Variants in SLC38A4 observed in about 807,000 individuals in gnomAD.
SLC38A4 encodes the protein sodium-coupled neutral amino acid transporter 4.
Under a neutral mutation model 63.1 loss-of-function variants are expected in SLC38A4, and 20 were observed. The ratio of observed to expected loss-of-function variants is 0.32; its 90% CI spans 0.22 to 0.46. The LOEUF is 0.46. Ranked by LOEUF, SLC38A4 falls within the 20% of genes least tolerant of loss-of-function variation. The probability of loss-of-function intolerance (pLI) is 1.00; values close to 1 mark genes in which losing one functional copy is unlikely to be tolerated. For missense variants in SLC38A4, 526 were observed against 663.6 expected (o/e 0.79, Z 2.28); for synonymous variants, 230 against 225.5 (o/e 1.02, Z -0.18).
At chr12:46,796,310 A>T (rs149464348) in intron 2 of SLC38A4, among the ~76,000 whole-genome samples, 78 of 152,006 alleles carry the variant, frequency 5.1e-4, no homozygotes, top group African/African-American at 1.8e-3. Flanking sequence ...TTCTAAGGAT[A>T]TTGATGTGAG....
At chr12:46,774,353 G>C (rs1938480731) in intron 14 of SLC38A4, among the ~76,000 whole-genome samples, 1 of 151,986 alleles carries the variant, frequency 6.6e-6, no homozygotes, top group East Asian at 1.9e-4. Flanking sequence ...TGGCAGGAGG[G>C]TGAAGACCTG....
At chr12:46,823,937 G>A (rs981869699) in intron 1 of SLC38A4, among the ~76,000 whole-genome samples, 1 of 152,164 alleles carries the variant, frequency 6.6e-6, no homozygotes, top group Non-Finnish European at 1.5e-5. Flanking sequence ...TGATTTGAAG[G>A]GACCTCTGGG....
intron 3 of SLC38A4, among the ~76,000 whole-genome samples, chr12:46,790,751 T>C (rs1235730253): frequency 6.6e-6 from 1 of 151,418 alleles, no homozygotes; most frequent in South Asian, 2.1e-4. Flanking sequence ...TTGTATAAAA[T>C]AGATGAGAAA....
intron 1 of SLC38A4, among the ~76,000 whole-genome samples, chr12:46,806,600 C>T (rs1291094354): frequency 6.6e-6 from 1 of 151,950 alleles, no homozygotes; most frequent in East Asian, 1.9e-4. Flanking sequence ...ATTCCTATTT[C>T]TTTTTATCAC....
chr12:46,807,644 AAAAT>A (rs2120879673), intron 1 of SLC38A4, among the ~76,000 whole-genome samples: 1 of 152,156 alleles, frequency 6.6e-6, no homozygotes, highest in African/African-American at 2.4e-5. Context: ...CAAAAAAAGA[AAAAT>A]AGAGAAAATC....
chr12:46,826,978 T>C (rs538532325), upstream of SLC38A4, among the ~76,000 whole-genome samples: 2 of 152,216 alleles, frequency 1.3e-5, no homozygotes, highest in African/African-American at 2.4e-5. Context: ...TCAACAAACA[T>C]GTACCAGTGT....
At chr12:46,783,246 TAG>T (rs1938686055) in intron 7 of SLC38A4, among the ~76,000 whole-genome samples, 1 of 150,756 alleles carries the variant, frequency 6.6e-6, no homozygotes, top group South Asian at 2.1e-4. Context: ...GATAGATAGA[TAG>T]ATAGATAGAT....
intron 13 of SLC38A4, among the ~76,000 whole-genome samples, chr12:46,776,254 A>C (rs996160515): frequency 2.6e-5 from 4 of 152,054 alleles, no homozygotes; most frequent in African/African-American, 9.7e-5. Flanking sequence ...TCATGGAAGG[A>C]GTACAATCCT....
chr12:46,819,063 A>G (rs2120915181), intron 1 of SLC38A4, among the ~76,000 whole-genome samples: 1 of 152,080 alleles, frequency 6.6e-6, no homozygotes, highest in African/African-American at 2.4e-5. Flanking sequence ...GTTAGATTGA[A>G]GAAGGCAGAA....
intron 2 of SLC38A4, among the ~76,000 whole-genome samples, chr12:46,794,621 C>A (rs1458815567): frequency 6.6e-6 from 1 of 150,944 alleles, no homozygotes; most frequent in Non-Finnish European, 1.5e-5. Flanking sequence ...AATTGAAAGA[C>A]AGATCTGTGG....
intron 1 of SLC38A4, among the ~76,000 whole-genome samples, chr12:46,821,825 C>T (rs910353270): frequency 7.2e-5 from 11 of 151,966 alleles, no homozygotes; most frequent in African/African-American, 1.4e-4. Flanking sequence ...TTCCATTAAC[C>T]CAAGATGTGT....
chr12:46,814,393 T>A (rs965384597), intron 1 of SLC38A4, among the ~76,000 whole-genome samples: 2 of 151,944 alleles, frequency 1.3e-5, no homozygotes, highest in Admixed American at 1.3e-4. Flanking sequence ...AACAGCCCCA[T>A]GGTACATATT....
chr12:46,831,520 C>A (rs1939731115), intron 1 of SLC38A4, among the ~76,000 whole-genome samples: 1 of 152,268 alleles, frequency 6.6e-6, no homozygotes, highest in African/African-American at 2.4e-5. Context: ...GCCGGGCAAT[C>A]CGACCGCGCG....
intron 1 of SLC38A4, among the ~76,000 whole-genome samples, chr12:46,818,084 A>G (rs917250470): frequency 6.6e-6 from 1 of 151,926 alleles, no homozygotes; most frequent in African/African-American, 2.4e-5. Context: ...TCTTGGGAAA[A>G]TAAGACCTGC....
intron 1 of SLC38A4, among the ~76,000 whole-genome samples, chr12:46,817,249 T>TGTTGTTGTAGATAAA (rs1565678517): frequency 2.6e-5 from 4 of 151,888 alleles, no homozygotes; most frequent in African/African-American, 9.7e-5. Flanking sequence ...AACAGCAAAC[T>TGTTGTTGTAGATAAA]CATACGACTT....
intron 14 of SLC38A4, among the ~76,000 whole-genome samples, chr12:46,771,416 G>C (rs142987110): frequency 6.5e-4 from 99 of 152,278 alleles, no homozygotes; most frequent in African/African-American, 2.2e-3. Context: ...AAGTCAATAA[G>C]CTGAGTTAGA....
rs1939291669 is a variant in SLC38A4 at position 46,809,093 on chromosome 12, G to A, written c.-304-5299C>T. 3.9e-5 allele frequency among the ~76,000 whole-genome samples: 6 copies of A among 152,064 alleles called. No individual in the cohort carries two copies. In the South Asian group the frequency reaches 1.2e-3, roughly 32 times the overall value. ...ATTTTGATTTTGTAATTTCATTAGT[G>A]ATTGGACTTTGTAAACCTGTTATCA... On this transcript the variant is annotated intron_variant, in intron 1 of 16. Coordinates refer to ENST00000266579, the MANE Select transcript of SLC38A4 (RefSeq NM_018018.5).
chr12:46,792,550 G>T (rs1938912049), intron 3 of SLC38A4, among the ~76,000 whole-genome samples: 3 of 152,098 alleles, frequency 2.0e-5, no homozygotes, highest in Non-Finnish European at 4.4e-5. Flanking sequence ...TTAACAGGCT[G>T]GGTATATGGC....
intron 7 of SLC38A4, among the ~76,000 whole-genome samples, chr12:46,780,457 T>G (rs1938615925): frequency 6.6e-6 from 1 of 152,020 alleles, no homozygotes; most frequent in Admixed American, 6.6e-5. Context: ...CCCTCTGGTT[T>G]TCTGCAGATG....
Sources: gnomAD v4.1 joint callset for allele counts (sites outside exome capture counted in the v4.1 genomes callset) on GRCh38, gnomAD v4.1.1 for gene constraint, MANE v1.5 for transcripts, NCBI Gene and HGNC (gene_info 2026-07-23, HGNC 2026-07-21) for gene names.